LDLRAD4: variants seen among roughly 807,000 people sequenced by gnomAD.
LDLRAD4 encodes the protein low-density lipoprotein receptor class A domain-containing protein 4.
LDLRAD4 carries 5 observed loss-of-function variants against 17.0 expected under a neutral mutation model. That is an observed-to-expected ratio of 0.29 (90% CI 0.15 to 0.62). The LOEUF is 0.62. Among genes scored for constraint, LDLRAD4 ranks in the 20% least tolerant of loss-of-function variants. The probability of loss-of-function intolerance (pLI) is 0.84; values close to 1 mark genes in which losing one functional copy is unlikely to be tolerated. For synonymous variants in LDLRAD4, 168 were observed against 171.8 expected, an observed-to-expected ratio of 0.98 and a Z score of 0.17; for missense variants, 340 against 424.7, an observed-to-expected ratio of 0.80 and a Z score of 1.75.
exon 6 of LDLRAD4, chr18:13,650,310 T>C: frequency 5.0e-6 from 2 of 402,978 alleles, no homozygotes; most frequent in Middle Eastern, 4.4e-4. Context: ...TGTCTGAGTG[T>C]AGGAATGTCT....
At chr18:13,233,018 G>C (rs28464829) in intron 1 of LDLRAD4, among the ~76,000 whole-genome samples, 3,605 of 152,324 alleles carry the variant, frequency 0.024, 149 homozygotes, top group African/African-American at 0.084. Context: ...GGCGCTTTCT[G>C]ATCTCCCCTG....
intron 5 of LDLRAD4, chr18:13,644,863 A>G: frequency 2.2e-6 from 1 of 454,930 alleles, no homozygotes; most frequent in Non-Finnish European, 3.9e-6. Flanking sequence ...CAGGAGCCCA[A>G]GCTTTCCATT....
intron 1 of LDLRAD4, among the ~76,000 whole-genome samples, chr18:13,355,328 C>T (rs1375887471): frequency 6.6e-6 from 1 of 152,196 alleles, no homozygotes; most frequent in Non-Finnish European, 1.5e-5. Flanking sequence ...AGCTTTCCAT[C>T]TGGATAACTT....
intron 1 of LDLRAD4, among the ~76,000 whole-genome samples, chr18:13,270,778 G>T (rs2044489439): frequency 6.6e-6 from 1 of 152,346 alleles, no homozygotes; most frequent in African/African-American, 2.4e-5. Context: ...CAGCACTAAA[G>T]AAGTGATCTC....
At chr18:13,574,594 C>T (rs2094740922) in intron 3 of LDLRAD4, among the ~76,000 whole-genome samples, 1 of 152,230 alleles carries the variant, frequency 6.6e-6, no homozygotes, top group South Asian at 2.1e-4. Context: ...GTTAACTTTC[C>T]TCGCTGCCTG....
intron 1 of LDLRAD4, among the ~76,000 whole-genome samples, chr18:13,231,979 G>C (rs2042100486): frequency 6.6e-6 from 1 of 152,242 alleles, no homozygotes; most frequent in Non-Finnish European, 1.5e-5. Context: ...AGGGATGGCA[G>C]CTTGGTGGCT....
intron 3 of LDLRAD4, among the ~76,000 whole-genome samples, chr18:13,594,291 C>A (rs2095064364): frequency 6.6e-6 from 1 of 152,088 alleles, no homozygotes; most frequent in South Asian, 2.1e-4. Flanking sequence ...CCACTGTCTG[C>A]CACTGTAGGG....
intron 3 of LDLRAD4, among the ~76,000 whole-genome samples, chr18:13,470,108 C>G (rs191249964): frequency 6.6e-6 from 1 of 152,290 alleles, no homozygotes; most frequent in East Asian, 1.9e-4. Flanking sequence ...GATGGTGGAG[C>G]AGTTGCCCTT....
chr18:13,431,371 C>T (rs1417158710), intron 2 of LDLRAD4, among the ~76,000 whole-genome samples: 1 of 152,184 alleles, frequency 6.6e-6, no homozygotes, highest in Non-Finnish European at 1.5e-5. Flanking sequence ...GACAGAAAAC[C>T]ACAAAAGCAA....
At chr18:13,525,321 C>T (rs2147731119) in intron 3 of LDLRAD4, among the ~76,000 whole-genome samples, 1 of 152,314 alleles carries the variant, frequency 6.6e-6, no homozygotes, top group South Asian at 2.1e-4. Context: ...AGACCAGCAC[C>T]TGGCACACAG....
chr18:13,646,533 G>A lies in LDLRAD4; in HGVS notation c.*876G>A, dbSNP rs117041548. ...GATTAAGTTCCAGCATTTCTGACTT[G>A]TTATTTTGAGTTACTCTGCTACTCT... On this transcript the variant is annotated 3_prime_UTR_variant, in exon 6 of 6. Transcript: ENST00000359446. The A allele has an allele frequency of 4.6e-5, 7 of 152,384 alleles. No individual in the cohort carries two copies. The East Asian group carries it at 1.2e-3, about 25-fold the overall frequency. The allele number at this position is 152,384 out of a possible 1,614,324, so 9.4% of individuals were successfully genotyped here. A position where few individuals can be genotyped will look rare whatever the true frequency, so the allele number is the denominator to read the frequency against.
At chr18:13,422,064 G>T (rs918990425) in intron 2 of LDLRAD4, among the ~76,000 whole-genome samples, 1 of 152,232 alleles carries the variant, frequency 6.6e-6, no homozygotes, top group Non-Finnish European at 1.5e-5. Flanking sequence ...CTGTTGTGAG[G>T]GGTCAGTTAC....
intron 3 of LDLRAD4, among the ~76,000 whole-genome samples, chr18:13,574,629 G>GGAGCCCTGGCATTGAGTGT (rs1490537003): frequency 3.3e-5 from 5 of 152,182 alleles, no homozygotes; most frequent in African/African-American, 1.2e-4. Context: ...TGACGCTCAT[G>GGAGCCCTGGCATTGAGTGT]GAGCCCTGGC....
At chr18:13,523,552 G>A (rs1458321540) in intron 3 of LDLRAD4, among the ~76,000 whole-genome samples, 1 of 152,230 alleles carries the variant, frequency 6.6e-6, no homozygotes, top group Non-Finnish European at 1.5e-5. Context: ...TGACGGCTCA[G>A]TATTGTTCTG....
In LDLRAD4 at chr18:13,486,301, T is replaced by G. The variant is rs566846681; in HGVS notation, c.181+47917T>G. Among the ~76,000 whole-genome samples, 6 of 152,362 alleles carry G rather than the reference T, an allele frequency of 3.9e-5. 1 individual carries two copies. The highest frequency in any genetic ancestry group is 1.4e-4 in the African/African-American group (6 of 41,582). ...CATATTTATTTTTGGTTTGTGACTT[T>G]CCCCCTTACTGAAGTAAAACAGTTT... On this transcript the variant is annotated intron_variant, in intron 3 of 5. Transcript: ENST00000359446.
At chr18:13,625,022 C>G (rs1414585815) in intron 4 of LDLRAD4, among the ~76,000 whole-genome samples, 1 of 152,184 alleles carries the variant, frequency 6.6e-6, no homozygotes, top group Admixed American at 6.5e-5. Flanking sequence ...ACCCGAGGCC[C>G]TGGGAGTCCA....
At chr18:13,274,348 G>C (rs2044733576), upstream of LDLRAD4, among the ~76,000 whole-genome samples, 1 of 152,204 alleles carries the variant, frequency 6.6e-6, no homozygotes, top group South Asian at 2.1e-4. Flanking sequence ...GGGTCGGCCA[G>C]TGACCCCTCC....
intron 2 of LDLRAD4, among the ~76,000 whole-genome samples, chr18:13,416,138 G>A (rs1239037194): frequency 6.6e-6 from 1 of 152,192 alleles, no homozygotes; most frequent in African/African-American, 2.4e-5. Flanking sequence ...CCACACGTGG[G>A]CTATTCTGAG....
At chr18:13,646,891 TGTGGGAGTGGTGTGGGTG>T (rs1364671386) in exon 6 of LDLRAD4, 1 of 152,454 alleles carries the variant, frequency 6.6e-6, no homozygotes, top group Admixed American at 6.5e-5. Context: ...CAGAACTTCG[TGTGGGAGTGGTGTGGGTG>T]GTGGTTTCTT....
Sources: gnomAD v4.1 joint callset for allele counts (sites outside exome capture counted in the v4.1 genomes callset) on GRCh38, gnomAD v4.1.1 for gene constraint, MANE v1.5 for transcripts, NCBI Gene and HGNC (gene_info 2026-07-23, HGNC 2026-07-21) for gene names.